Variants in PLEKHG1 observed in about 807,000 individuals in gnomAD.
PLEKHG1 encodes the protein pleckstrin homology and RhoGEF domain containing G1.
In PLEKHG1, 44 loss-of-function variants were observed where a neutral mutation model predicts 100.8. That is an observed-to-expected ratio of 0.44 (90% confidence interval 0.34 to 0.56). PLEKHG1 has a LOEUF of 0.56. Among genes scored for constraint, PLEKHG1 ranks in the 20% least tolerant of loss-of-function variants. PLEKHG1 has a pLI of 0.01. For missense variants in PLEKHG1, 1,545 were observed against 1,720.9 expected, an observed-to-expected ratio of 0.90 and a Z score of 1.81; for synonymous variants, 640 against 662.5, an observed-to-expected ratio of 0.97 and a Z score of 0.52.
chr6:150,816,325 A>ATTTTTTTTTT (rs1562546175), intron 10 of PLEKHG1, among the ~76,000 whole-genome samples: 1 of 49,714 alleles, frequency 2.0e-5, no homozygotes, highest in East Asian at 6.5e-4. Context: ...TCTCAAACAT[A>ATTTTTTTTTT]CTTTTTTTTT....
intron 3 of PLEKHG1, among the ~76,000 whole-genome samples, chr6:150,705,410 CT>C (rs1456396941): frequency 6.6e-6 from 1 of 152,264 alleles, no homozygotes. Flanking sequence ...CTGACACTGT[CT>C]TTGTCATGGG....
chr6:150,722,788 C>G (rs946787864), intron 1 of PLEKHG1, among the ~76,000 whole-genome samples: 2 of 152,086 alleles, frequency 1.3e-5, no homozygotes, highest in African/African-American at 4.8e-5. Context: ...CTCTTGGTGC[C>G]TCCCTCCCAG....
intron 2 of PLEKHG1, among the ~76,000 whole-genome samples, chr6:150,743,766 C>T (rs1488673381): frequency 1.3e-5 from 2 of 151,718 alleles, no homozygotes; most frequent in Non-Finnish European, 2.9e-5. Context: ...TTTTTTTCTA[C>T]TCATTCCAGT....
chr6:150,624,933 G>C (rs1777449761), intron 1 of PLEKHG1: 1 of 152,128 alleles, frequency 6.6e-6, no homozygotes. Flanking sequence ...GCTCACTTCT[G>C]TAATCCCAAC....
chr6:150,763,320 C>G (rs1235553856), intron 2 of PLEKHG1, among the ~76,000 whole-genome samples: 1 of 152,020 alleles, frequency 6.6e-6, no homozygotes, highest in Non-Finnish European at 1.5e-5. Flanking sequence ...TGTGAGCCAC[C>G]GTGCCCGGGC....
chr6:150,798,250 A>G (rs145076387), intron 5 of PLEKHG1, among the ~76,000 whole-genome samples: 5 of 152,314 alleles, frequency 3.3e-5, no homozygotes, highest in African/African-American at 1.2e-4. Context: ...GGAAGGAAAA[A>G]AAACATTCAG....
rs1381326431 is a variant in PLEKHG1, at chr6:150,809,810, T to C, written c.1278+76T>C. 5 of 1,097,766 alleles carry C rather than the reference T, an allele frequency of 4.6e-6. No individual in the cohort carries two copies. The Admixed American group carries it at 7.8e-5, about 17-fold the overall frequency. The allele number at this position is 1,097,766 out of a possible 1,614,324, so 68.0% of individuals were successfully genotyped here. ...TTTGAACCTGGGAGGTGGAGGTTAC[T>C]GTGAGCCGAGATCACATCATTGAAC... On this transcript the variant is annotated intron_variant, in intron 10 of 15. Coordinates refer to ENST00000358517, the Ensembl canonical transcript of PLEKHG1.
At chr6:150,768,883 G>A in intron 3 of PLEKHG1, 145 bp downstream of exon 4, 1 of 624,356 alleles carries the variant, frequency 1.6e-6, no homozygotes, top group Non-Finnish European at 2.9e-6. Flanking sequence ...CTTTCTGCTT[G>A]GAAGTATCCT....
At chr6:150,619,474 G>A (rs1777204863) in intron 1 of PLEKHG1, among the ~76,000 whole-genome samples, 1 of 152,206 alleles carries the variant, frequency 6.6e-6, no homozygotes, top group African/African-American at 2.4e-5. Flanking sequence ...CTGCCTTGGA[G>A]GGCAATAGAA....
At chr6:150,769,711 T>A (rs1282176223) in intron 3 of PLEKHG1, among the ~76,000 whole-genome samples, 1 of 152,182 alleles carries the variant, frequency 6.6e-6, no homozygotes, top group Non-Finnish European at 1.5e-5. Flanking sequence ...CCTGTATGTG[T>A]TGAGTGAATC....
rs1189882166 is a variant in PLEKHG1, at chr6:150,631,343, C to T, written c.-203-6737C>T. ...TCCAGCACCCTCCTCCCCAGGTCTG[C>T]GTTTTAGGCAGCTTTTCAGGTGATG... On this transcript the variant is annotated intron_variant, in intron 1 of 3. Transcript: ENST00000367326. 5.3e-5 allele frequency among the ~76,000 whole-genome samples: 8 copies of T among 152,316 alleles called. No homozygotes were observed. In the East Asian group the frequency reaches 5.8e-4, roughly 11 times the overall value.
intron 3 of PLEKHG1, among the ~76,000 whole-genome samples, chr6:150,652,223 G>T (rs1222212177): frequency 6.6e-6 from 1 of 152,154 alleles, no homozygotes; most frequent in Non-Finnish European, 1.5e-5. Context: ...TTTCTGTTAG[G>T]TCCAGGCAAT....
intron 14 of PLEKHG1, among the ~76,000 whole-genome samples, chr6:150,826,400 G>A (rs1776611138): frequency 1.3e-5 from 2 of 152,298 alleles, no homozygotes; most frequent in East Asian, 3.9e-4. Context: ...TGAGGTTGCA[G>A]TAAGCCGAGA....
intron 14 of PLEKHG1, among the ~76,000 whole-genome samples, chr6:150,824,096 G>T (rs1168389281): frequency 6.6e-6 from 1 of 152,202 alleles, no homozygotes; most frequent in Non-Finnish European, 1.5e-5. Context: ...AGGGCGAGGG[G>T]CCCCCTTCTA....
At chr6:150,651,000 A>G (rs1348960406) in intron 3 of PLEKHG1, 2 of 152,182 alleles carry the variant, frequency 1.3e-5, no homozygotes, top group Non-Finnish European at 2.9e-5. Context: ...ACTCTATGTG[A>G]ATTGTTTTTC....
At position 150,648,616 on chromosome 6, in the gene PLEKHG1, A is replaced by T. The variant is rs7762651; in HGVS notation, c.-157-2112A>T. 6.8e-3 allele frequency among the ~76,000 whole-genome samples: 1,032 copies of T among 152,248 alleles called. 12 individuals carry two copies. Among genetic ancestry groups the T allele is most frequent in the African/African-American group, 0.024 (988 of 41,556 alleles). The stretch of plus-strand genomic sequence containing the variant: ...TGAGCACTTTATTGAGGGTTCTTAC[A>T]TCTTATCTAAGTCAAACATGCCTCT... On this transcript the variant is annotated intron_variant, in intron 2 of 3. Transcript: ENST00000367326.
At chr6:150,634,250 C>A (rs9371466) in intron 1 of PLEKHG1, among the ~76,000 whole-genome samples, 22,853 of 120,168 alleles carry the variant, frequency 0.19, 1,892 homozygotes, top group South Asian at 0.25. Flanking sequence ...ATCTCCCCCC[C>A]AAAAAAAAAA....
At chr6:150,688,311 CTTTGT>C (rs1239025005) in intron 3 of PLEKHG1, among the ~76,000 whole-genome samples, 2 of 135,606 alleles carry the variant, frequency 1.5e-5, no homozygotes, top group Non-Finnish European at 3.0e-5. Flanking sequence ...CATTTTCTTC[CTTTGT>C]TTTTTTTTTT....
intron 14 of PLEKHG1, among the ~76,000 whole-genome samples, chr6:150,827,277 C>CTT (rs759695142): frequency 1.1e-4 from 14 of 130,368 alleles, no homozygotes; most frequent in South Asian, 7.6e-4. Context: ...AAACTGCTTT[C>CTT]TTTTTTTTTT....
Sources: allele counts gnomAD v4.1 joint callset (sites outside exome capture counted in the v4.1 genomes callset), GRCh38; gene constraint gnomAD v4.1.1; transcripts MANE v1.5; gene names NCBI Gene and HGNC (gene_info 2026-07-23, HGNC 2026-07-21).